Variants in NMBR observed in about 807,000 individuals in gnomAD.
NMBR encodes the protein neuromedin-B receptor.
A neutral mutation model predicts 20.5 loss-of-function variants in NMBR; 16 were observed. That is an observed-to-expected ratio of 0.78 (90% CI 0.53 to 1.19). The LOEUF (loss-of-function observed/expected upper bound fraction) is 1.19, where lower values mean the gene tolerates loss of function less well. NMBR is among the 50% of genes most tolerant of loss of function. The pLI, the probability that NMBR is intolerant of heterozygous loss-of-function variation, is 0.00. For missense variants in NMBR, 582 were observed against 499.1 expected (o/e 1.17, Z -1.58); for synonymous variants, 212 against 196.6 (o/e 1.08, Z -0.65).
intron 1 of NMBR, among the ~76,000 whole-genome samples, chr6:142,107,104 T>C (rs982587026): frequency 2.0e-5 from 3 of 152,166 alleles, no homozygotes; most frequent in African/African-American, 7.2e-5. Context: ...GGCAAAGTAT[T>C]CTCTGCCTGA....
intron 1 of NMBR, among the ~76,000 whole-genome samples, chr6:142,094,181 T>C (rs1777395927): frequency 6.6e-6 from 1 of 152,096 alleles, no homozygotes; most frequent in Non-Finnish European, 1.5e-5. Flanking sequence ...AATTTTGGCT[T>C]TTGTTGCCAT....
chr6:142,096,400 T>G (rs1282938275), intron 1 of NMBR, among the ~76,000 whole-genome samples: 1 of 152,208 alleles, frequency 6.6e-6, no homozygotes, highest in African/African-American at 2.4e-5. Context: ...CTGCCTTCAT[T>G]TCGTTATGTA....
chr6:142,115,450 C>A (rs1034468085), intron 1 of NMBR, among the ~76,000 whole-genome samples: 1 of 152,014 alleles, frequency 6.6e-6, no homozygotes, highest in African/African-American at 2.4e-5. Context: ...ACGTGTGGAA[C>A]ACTCAGAATG....
intron 1 of NMBR, among the ~76,000 whole-genome samples, chr6:142,094,466 T>A (rs1044544262): frequency 1.3e-5 from 2 of 152,176 alleles, no homozygotes; most frequent in African/African-American, 2.4e-5. Flanking sequence ...GTTATAGACA[T>A]GTGGCATTAT....
chr6:142,078,607 ATTAAGGTC>A lies in NMBR; in HGVS notation c.711_718del (p.Lys237AsnfsTer2), dbSNP rs767290339. 48 of 1,612,500 alleles carry A rather than the reference ATTAAGGTC, an allele frequency of 3.0e-5. No individual in the cohort carries two copies. Among genetic ancestry groups the A allele is most frequent in the Non-Finnish European group, 4.0e-5 (47 of 1,179,258 alleles). On this transcript the variant is annotated frameshift_variant, in exon 3 of 4. Transcript: ENST00000258042. LOFTEE classifies it high-confidence loss of function. ...TCCAGGAAGATTGTGTGCGCTTTTA[ATTAAGGTC>A]TTTGCAATATGATAATAATAAATGC...
chr6:142,125,511 A>ATGCATATACACATATACATGTG (rs1272599578), intron 1 of NMBR, among the ~76,000 whole-genome samples: 4 of 64,942 alleles, frequency 6.2e-5, no homozygotes, highest in African/African-American at 9.9e-5. Flanking sequence ...ACATATACAT[A>ATGCATATACACATATACATGTG]CATACACAAT....
At chr6:142,105,457 C>T (rs1361410118) in intron 1 of NMBR, among the ~76,000 whole-genome samples, 1 of 152,144 alleles carries the variant, frequency 6.6e-6, no homozygotes, top group Non-Finnish European at 1.5e-5. Flanking sequence ...TTTATAAAAT[C>T]TGTCATCTTT....
At chr6:142,095,539 G>A (rs1305691079) in intron 1 of NMBR, among the ~76,000 whole-genome samples, 10 of 152,158 alleles carry the variant, frequency 6.6e-5, no homozygotes, top group Admixed American at 6.5e-4. Context: ...TTGATGTGCT[G>A]CTGGATTCGG....
chr6:142,128,743 T>C (rs972675909), intron 1 of NMBR, among the ~76,000 whole-genome samples: 34 of 151,996 alleles, frequency 2.2e-4, no homozygotes, highest in African/African-American at 7.7e-4. Flanking sequence ...TTCTTCTATC[T>C]ATGTTGCTGA....
intron 1 of NMBR, among the ~76,000 whole-genome samples, chr6:142,141,870 AAC>A (rs1778368469): frequency 1.3e-5 from 2 of 152,210 alleles, no homozygotes; most frequent in Admixed American, 1.3e-4. Context: ...ACGAGTACAA[AAC>A]ACAGTGATAT....
chr6:142,131,847 C>T (rs1778148462), intron 1 of NMBR, among the ~76,000 whole-genome samples: 1 of 152,158 alleles, frequency 6.6e-6, no homozygotes, highest in Non-Finnish European at 1.5e-5. Context: ...ACATGTCTGA[C>T]AATTGTATAC....
intron 1 of NMBR, among the ~76,000 whole-genome samples, chr6:142,127,244 A>C (rs1778056324): frequency 6.6e-6 from 1 of 151,926 alleles, no homozygotes; most frequent in Non-Finnish European, 1.5e-5. Context: ...TTGTTGTAGA[A>C]ACTATCACTT....
intron 1 of NMBR, among the ~76,000 whole-genome samples, chr6:142,144,519 A>T (rs1778400710): frequency 6.6e-6 from 1 of 151,778 alleles, no homozygotes; most frequent in Non-Finnish European, 1.5e-5. Context: ...CCCTCCCCTT[A>T]CTTGCCAAGG....
At position 142,127,234 on chromosome 6, in the gene NMBR, T is replaced by G. The variant is rs145594199; in HGVS notation, c.-664+19810A>C. Among the ~76,000 whole-genome samples, 854 of 152,104 alleles carry G rather than the reference T, an allele frequency of 5.6e-3. 9 individuals carry two copies. Among genetic ancestry groups the G allele is most frequent in the African/African-American group, 0.019 (789 of 41,528 alleles). On this transcript the variant is annotated intron_variant, in intron 1 of 3. Coordinates refer to ENST00000258042, the MANE Select transcript of NMBR (RefSeq NM_002511.4). ...GGATATCCAGTTTTCCCAGCATGAT[T>G]TGTTGTAGAAACTATCACTTCCCCA...
At chr6:142,142,021 A>C (rs1475795122) in intron 1 of NMBR, among the ~76,000 whole-genome samples, 2 of 152,200 alleles carry the variant, frequency 1.3e-5, no homozygotes, top group South Asian at 2.1e-4. Context: ...ATAAATCAGA[A>C]AAGGGACATT....
At chr6:142,098,270 G>A (rs1777497845) in intron 1 of NMBR, among the ~76,000 whole-genome samples, 2 of 152,106 alleles carry the variant, frequency 1.3e-5, no homozygotes, top group South Asian at 2.1e-4. Context: ...TAACATCGGG[G>A]ATGAAGAAAA....
intron 1 of NMBR, among the ~76,000 whole-genome samples, chr6:142,125,521 T>TACATGTGCATCCATA (rs1554215499): frequency 1.4e-5 from 1 of 70,506 alleles, no homozygotes; most frequent in Admixed American, 1.2e-4. Context: ...ACATACACAA[T>TACATGTGCATCCATA]TACTCATGCT....
chr6:142,141,058 A>G (rs1778353479), intron 1 of NMBR, among the ~76,000 whole-genome samples: 3 of 152,216 alleles, frequency 2.0e-5, no homozygotes, highest in African/African-American at 4.8e-5. Flanking sequence ...GAGGATTATA[A>G]ATTATTAATA....
intron 1 of NMBR, among the ~76,000 whole-genome samples, chr6:142,123,512 C>T (rs1328360314): frequency 6.6e-6 from 1 of 151,868 alleles, no homozygotes; most frequent in East Asian, 1.9e-4. Flanking sequence ...AAAATACTGT[C>T]AAAAAGCATT....
Sources: gnomAD v4.1 joint callset for allele counts (sites outside exome capture counted in the v4.1 genomes callset) on GRCh38, gnomAD v4.1.1 for gene constraint, MANE v1.5 for transcripts, NCBI Gene and HGNC (gene_info 2026-07-23, HGNC 2026-07-21) for gene names.